The following FAM131C variants were observed in gnomAD, a reference collection of about 807,000 sequenced individuals.
FAM131C encodes protein FAM131C.
In FAM131C, 14 loss-of-function variants were observed where a neutral mutation model predicts 29.8. The observed-to-expected ratio is 0.47, with a 90% CI of 0.31 to 0.73. The LOEUF is 0.73. Ranked by LOEUF, FAM131C falls within the 30% of genes least tolerant of loss-of-function variation. FAM131C has a pLI of 0.05. For missense variants in FAM131C, 252 were observed against 383.8 expected, an observed-to-expected ratio of 0.66 and a Z score of 2.87; for synonymous variants, 86 against 157.8, an observed-to-expected ratio of 0.54 and a Z score of 3.41.
At chr1:16,061,357 G>C (rs934320866) in intron 4 of FAM131C, among the ~76,000 whole-genome samples, 1 of 152,160 alleles carries the variant, frequency 6.6e-6, no homozygotes, top group Non-Finnish European at 1.5e-5. Context: ...CCTCAGGGGA[G>C]CTGGGTGGGA....
At chr1:16,070,773 A>G (rs2023740534) in intron 1 of FAM131C, among the ~76,000 whole-genome samples, 1 of 152,224 alleles carries the variant, frequency 6.6e-6, no homozygotes, top group Non-Finnish European at 1.5e-5. Context: ...TGACATCAAT[A>G]CTATTATAAT....
At position 16,062,168 on chromosome 1, in the gene FAM131C, A is replaced by G. The variant is rs78863008; in HGVS notation, c.199T>C (p.Tyr67His). 5,680 of 1,609,356 alleles carry G rather than the reference A, an allele frequency of 3.5e-3. 27 individuals are homozygous for G. The African/African-American group carries it at 0.044, about 13-fold the overall frequency. ...GGGCGGGATCTGGAGTCGGACAGGTAGCCGTTGGTGGTCTGGAAGCACCTC... is the reference window on the plus strand; with the variant it reads ...GGGCGGGATCTGGAGTCGGACAGGTGGCCGTTGGTGGTCTGGAAGCACCTC... ...WQRCFQTTNG[Y>H]LSDSRSRPGN... is the part of the protein sequence containing the mutation. The change falls in exon 4 of 7, where the codon TAC (tyrosine) becomes CAC (histidine). Residue 67 changes from tyrosine (Y) to histidine (H), a missense_variant. Around this residue, in one of 6 missense-constraint regions of FAM131C, gnomAD observed 52 missense variants for 105.9 expected, o/e 0.49. Transcript: ENST00000375662.
chr1:16,060,991 C>G (rs961919452), intron 4 of FAM131C, among the ~76,000 whole-genome samples: 1 of 152,002 alleles, frequency 6.6e-6, no homozygotes, highest in Non-Finnish European at 1.5e-5. Context: ...CTGTTGTATG[C>G]GGAAGATGGA....
chr1:16,065,821 C>T (rs1334976958), intron 1 of FAM131C, among the ~76,000 whole-genome samples: 1 of 152,202 alleles, frequency 6.6e-6, no homozygotes, highest in African/African-American at 2.4e-5. Flanking sequence ...CACCTCATAT[C>T]AGTTGTACCC....
Position 16,062,203 on chromosome 1 carries a change from T to C in FAM131C, c.175-11A>G. The C allele has an allele frequency of 6.2e-7, 1 of 1,608,870 alleles. No homozygotes were observed. On this transcript the variant is annotated splice_polypyrimidine_tract_variant and intron_variant, in intron 3 of 6. Transcript: ENST00000375662. ...GGTCTGGAAGCACCTCTGGAGGAAG[T>C]GGCAGGAGGAGTGAGCAGGGTGGGC...
intron 5 of FAM131C, 22 bp from the exon 6 acceptor site, chr1:16,059,626 G>T: frequency 6.4e-7 from 1 of 1,561,514 alleles, no homozygotes; most frequent in East Asian, 2.3e-5. Flanking sequence ...GCGAGATCCA[G>T]CTCAGGGGGG....
At chr1:16,073,016 G>A (rs1454434698) in intron 1 of FAM131C, among the ~76,000 whole-genome samples, 1 of 151,636 alleles carries the variant, frequency 6.6e-6, no homozygotes, top group Non-Finnish European at 1.5e-5. Context: ...GAGCTGGTAA[G>A]ACCTGTGTCT....
intron 4 of FAM131C, among the ~76,000 whole-genome samples, chr1:16,060,669 C>T (rs967913074): frequency 4.6e-5 from 7 of 152,124 alleles, no homozygotes; most frequent in African/African-American, 1.7e-4. Context: ...AGGATGAAGG[C>T]ATGGTAGTGT....
intron 1 of FAM131C, among the ~76,000 whole-genome samples, chr1:16,064,937 C>A (rs1345627206): frequency 6.6e-6 from 1 of 152,230 alleles, no homozygotes; most frequent in African/African-American, 2.4e-5. Flanking sequence ...TGGCCTCTGG[C>A]CTCTCTGGCT....
rs184646734 is a variant in FAM131C at position 16,062,467 on chromosome 1, C to G, written c.174+32G>C. On this transcript the variant is annotated intron_variant, in intron 3 of 6. Coordinates refer to ENST00000375662, the MANE Select transcript of FAM131C (RefSeq NM_182623.3). Reference sequence around the variant, plus strand: ...GAGGGGCCGTGGTGTCAGCTGGGGCCGGCTAGAATGGGGACACACAAGTGC... The same window carrying G: ...GAGGGGCCGTGGTGTCAGCTGGGGCGGGCTAGAATGGGGACACACAAGTGC... 9.1e-6 allele frequency: 14 copies of G among 1,544,898 alleles called. No individual in the cohort carries two copies. The South Asian group carries it at 1.5e-4, about 17-fold the overall frequency.
chr1:16,073,365 G>A, intron 1 of FAM131C, 56 bp downstream of exon 1: 3 of 1,026,576 alleles, frequency 2.9e-6, no homozygotes, highest in Non-Finnish European at 3.7e-6. Context: ...GAGCGGCGAG[G>A]GGACTGCGCG....
At chr1:16,069,532 G>C (rs1488266036) in intron 1 of FAM131C, among the ~76,000 whole-genome samples, 1 of 152,246 alleles carries the variant, frequency 6.6e-6, no homozygotes, top group East Asian at 1.9e-4. Context: ...CCAAGGTGGG[G>C]CCAGGAGGCT....
At chr1:16,068,510 G>T (rs1262183192) in intron 1 of FAM131C, among the ~76,000 whole-genome samples, 1 of 152,236 alleles carries the variant, frequency 6.6e-6, no homozygotes, top group African/African-American at 2.4e-5. Context: ...GCAGAGGGAA[G>T]CCCTTGAGGG....
intron 1 of FAM131C, among the ~76,000 whole-genome samples, chr1:16,068,490 T>C (rs767717808): frequency 1.2e-4 from 19 of 152,354 alleles, no homozygotes; most frequent in Non-Finnish European, 2.6e-4. Context: ...GAGCTGGCTC[T>C]GGAGGCTCCG....
In FAM131C at chr1:16,073,490, C is replaced by T; in HGVS notation, c.-48G>A. ...GCTGCGCCCGGGGTGCGTGGGGCCGCGGGGCGTTCATGTCTCCGCGGGCCC... is the reference window on the plus strand; with the variant it reads ...GCTGCGCCCGGGGTGCGTGGGGCCGTGGGGCGTTCATGTCTCCGCGGGCCC... On this transcript the variant is annotated 5_prime_UTR_variant, in exon 1 of 7. Transcript: ENST00000375662. The T allele has an allele frequency of 1.7e-6, 2 of 1,159,062 alleles. No homozygotes were observed. The highest frequency in any genetic ancestry group is 2.1e-6 in the Non-Finnish European group (2 of 932,596). 71.8% of individuals were successfully genotyped at this position (1,159,062 alleles called of 1,614,324 possible). A position where few individuals can be genotyped will look rare whatever the true frequency, so the allele number is the denominator to read the frequency against.
At chr1:16,070,158 G>A (rs1037913018) in intron 1 of FAM131C, among the ~76,000 whole-genome samples, 7 of 152,180 alleles carry the variant, frequency 4.6e-5, no homozygotes, top group African/African-American at 1.7e-4. Context: ...TCCATGCCCT[G>A]GCCATGTGAC....
At chr1:16,069,751 C>T (rs139633921) in intron 1 of FAM131C, among the ~76,000 whole-genome samples, 2 of 152,184 alleles carry the variant, frequency 1.3e-5, no homozygotes, top group Middle Eastern at 3.2e-3. Flanking sequence ...TTTCTAAGCA[C>T]TGGCCATATA....
intron 2 of FAM131C, among the ~76,000 whole-genome samples, chr1:16,063,149 A>AAT (rs900071307): frequency 7.0e-6 from 1 of 143,854 alleles, no homozygotes; most frequent in Admixed American, 6.9e-5. Flanking sequence ...AATTATATAT[A>AAT]ATATATATAA....
chr1:16,064,116 T>C (rs1413856167), intron 1 of FAM131C, among the ~76,000 whole-genome samples: 2 of 151,936 alleles, frequency 1.3e-5, no homozygotes, highest in Non-Finnish European at 2.9e-5. Context: ...CATGCGAGAT[T>C]GTAGCCCCAG....
Sources: gnomAD v4.1 joint callset for allele counts (sites outside exome capture counted in the v4.1 genomes callset) on GRCh38, gnomAD v4.1.1 for gene constraint, gnomAD v4.1.1 regional missense constraint, MANE v1.5 for transcripts, NCBI Gene and HGNC (gene_info 2026-07-23, HGNC 2026-07-21) for gene names.